Variants in SLC25A13 observed in about 807,000 individuals in gnomAD.
The protein encoded by SLC25A13 is electrogenic aspartate/glutamate antiporter SLC25A13, mitochondrial.
SLC25A13 carries 70 observed loss-of-function variants against 85.5 expected under a neutral mutation model. That is an observed-to-expected ratio of 0.82 (90% CI 0.68 to 1.00). The LOEUF (loss-of-function observed/expected upper bound fraction) is 1.00. SLC25A13 is among the 50% of genes least tolerant of loss of function. SLC25A13 has a pLI of 0.00. For synonymous variants in SLC25A13, 259 were observed against 288.7 expected (o/e 0.90, Z 1.04); for missense variants, 765 against 819.8 (o/e 0.93, Z 0.82).
intron 13 of SLC25A13, among the ~76,000 whole-genome samples, chr7:96,149,398 CATTATATACAATAA>C (rs1256841874): frequency 6.6e-5 from 10 of 152,174 alleles, no homozygotes; most frequent in Admixed American, 6.5e-4. Flanking sequence ...AAGTTGCTAG[CATTATATACAATAA>C]AACAAGAACT....
At chr7:96,172,919 C>T (rs965970121) in intron 11 of SLC25A13, among the ~76,000 whole-genome samples, 4 of 152,086 alleles carry the variant, frequency 2.6e-5, no homozygotes, top group African/African-American at 4.8e-5. Flanking sequence ...CCACCACGCC[C>T]GGCTAATTTT....
chr7:96,279,996 C>A (rs1798609986), intron 2 of SLC25A13, among the ~76,000 whole-genome samples: 1 of 152,116 alleles, frequency 6.6e-6, no homozygotes, highest in Admixed American at 6.5e-5. Context: ...GATGAACTGG[C>A]AAAGGCTTCC....
At chr7:96,247,940 A>G (rs1797266551) in intron 3 of SLC25A13, among the ~76,000 whole-genome samples, 1 of 150,798 alleles carries the variant, frequency 6.6e-6, no homozygotes, top group Non-Finnish European at 1.5e-5. Context: ...CAATGTCTGC[A>G]TTGAGAGTAG....
intron 13 of SLC25A13, chr7:96,169,725 A>C (rs888902499): frequency 2.8e-6 from 1 of 352,290 alleles, no homozygotes; most frequent in South Asian, 4.4e-5. Flanking sequence ...GAATGTACTA[A>C]AAATTAACTT....
chr7:96,258,465 T>C (rs981398924), intron 3 of SLC25A13, among the ~76,000 whole-genome samples: 1 of 152,062 alleles, frequency 6.6e-6, no homozygotes, highest in Non-Finnish European at 1.5e-5. Flanking sequence ...CCATTCACAA[T>C]TGCTACAAAA....
intron 11 of SLC25A13, among the ~76,000 whole-genome samples, chr7:96,180,342 CT>C (rs199669631): frequency 4.6e-5 from 7 of 151,718 alleles, no homozygotes; most frequent in African/African-American, 1.7e-4. Flanking sequence ...ATTTCTATCT[CT>C]TTTTTTTTCT....
chr7:96,148,003 C>A (rs1424815780), intron 13 of SLC25A13, among the ~76,000 whole-genome samples: 1 of 151,740 alleles, frequency 6.6e-6, no homozygotes, highest in Non-Finnish European at 1.5e-5. Flanking sequence ...AAAATAAACA[C>A]CTATACACAG....
chr7:96,206,380 A>C (rs1485069761), intron 5 of SLC25A13, among the ~76,000 whole-genome samples: 4 of 152,242 alleles, frequency 2.6e-5, no homozygotes, highest in Non-Finnish European at 5.9e-5. Flanking sequence ...CTGTATCCAG[A>C]AAGAGCCCAA....
At chr7:96,122,940 G>T (rs1039305158) in intron 15 of SLC25A13, among the ~76,000 whole-genome samples, 2 of 152,028 alleles carry the variant, frequency 1.3e-5, no homozygotes, top group Non-Finnish European at 2.9e-5. Flanking sequence ...TTTTTTTAAG[G>T]CTTAATAATT....
At chr7:96,173,211 AC>A (rs2116589773) in intron 11 of SLC25A13, among the ~76,000 whole-genome samples, 1 of 152,374 alleles carries the variant, frequency 6.6e-6, no homozygotes, top group African/African-American at 2.4e-5. Flanking sequence ...GTGGAATTAA[AC>A]AAGGATAAGG....
intron 14 of SLC25A13, among the ~76,000 whole-genome samples, chr7:96,134,612 T>G (rs1792184131): frequency 2.6e-5 from 4 of 151,606 alleles, no homozygotes; most frequent in Admixed American, 2.6e-4. Flanking sequence ...ACCCACTGAG[T>G]GTTCCACCTT....
intron 13 of SLC25A13, among the ~76,000 whole-genome samples, chr7:96,153,927 TG>T (rs1226083718): frequency 2.0e-5 from 3 of 152,230 alleles, no homozygotes; most frequent in Non-Finnish European, 4.4e-5. Flanking sequence ...AAAAATGTAT[TG>T]TTTTAAAGGC....
chr7:96,257,931 G>A (rs1183039309), intron 3 of SLC25A13, among the ~76,000 whole-genome samples: 2 of 152,034 alleles, frequency 1.3e-5, no homozygotes, highest in African/African-American at 2.4e-5. Context: ...ATCAATAAAC[G>A]TAATTCATCA....
At chr7:96,186,267 T>C (rs998906179) in intron 9 of SLC25A13, among the ~76,000 whole-genome samples, 1 of 152,036 alleles carries the variant, frequency 6.6e-6, no homozygotes, top group African/African-American at 2.4e-5. Context: ...CCGTCTCTTC[T>C]AAAAATAAAA....
intron 5 of SLC25A13, among the ~76,000 whole-genome samples, chr7:96,195,510 TGTG>T (rs2116672345): frequency 6.6e-6 from 1 of 152,328 alleles, no homozygotes; most frequent in Non-Finnish European, 1.5e-5. Context: ...TCTGGACCTC[TGTG>T]GTCTACCATG....
Position 96,191,193 on chromosome 7 carries a change from T to C in SLC25A13, c.670A>G (p.Asn224Asp). 1 of 1,614,044 alleles carries C rather than the reference T, an allele frequency of 6.2e-7. No individual in the cohort carries two copies. ...QVSFSYFNGF[N>D]SLLNNMELIR... ...AGTTCCATGTTGTTAAGGAGCGAAT[T>C]AAATCCATTAAAATAGGAGAAACTA... The change falls in exon 7 of 18, where the codon AAT becomes GAT. Residue 224 changes from asparagine to aspartate, a missense_variant. Physicochemically the swap from Asn to Asp is conservative, Grantham distance 23. Transcript: ENST00000265631.
At chr7:96,288,420 G>T (rs1458615677) in intron 2 of SLC25A13, among the ~76,000 whole-genome samples, 1 of 152,156 alleles carries the variant, frequency 6.6e-6, no homozygotes, top group Non-Finnish European at 1.5e-5. Flanking sequence ...TGGACAGTGG[G>T]GGCAGGACAG....
chr7:96,190,107 C>T (rs1378458504), intron 7 of SLC25A13, among the ~76,000 whole-genome samples: 1 of 131,660 alleles, frequency 7.6e-6, no homozygotes, highest in African/African-American at 2.9e-5. Flanking sequence ...TTTTTTGAGA[C>T]AGAGTCTTGC....
Position 96,261,827 on chromosome 7 carries a change from G to A in SLC25A13, c.212+15369C>T, listed in dbSNP as rs569373802. On this transcript the variant is annotated intron_variant, in intron 3 of 17. Transcript: ENST00000265631. The stretch of plus-strand genomic sequence containing the variant: ...TCCAAGATCAAGGCACTGACATTGA[G>A]GGCTTTCTTGCTGGGTTGTCCCATG... Among the ~76,000 whole-genome samples the A allele has an allele frequency of 3.3e-5, 5 of 152,286 alleles. No individual in the cohort carries two copies. The South Asian group carries it at 8.3e-4, about 25-fold the overall frequency.
Sources: gnomAD v4.1 joint callset for allele counts (sites outside exome capture counted in the v4.1 genomes callset) on GRCh38, gnomAD v4.1.1 for gene constraint, MANE v1.5 for transcripts, NCBI Gene and HGNC (gene_info 2026-07-23, HGNC 2026-07-21) for gene names.